Variants in KCNAB1 observed in about 807,000 individuals in gnomAD.
KCNAB1 encodes voltage-gated potassium channel subunit beta-1.
KCNAB1 carries 35 observed loss-of-function variants against 64.6 expected under a neutral mutation model. That is an observed-to-expected ratio of 0.54 (90% CI 0.41 to 0.72). The LOEUF (loss-of-function observed/expected upper bound fraction) is 0.72, where lower values mean the gene tolerates loss of function less well. Among genes scored for constraint, KCNAB1 ranks in the 30% least tolerant of loss-of-function variants. KCNAB1 has a pLI of 0.00. For missense variants in KCNAB1, 401 were observed against 512.9 expected (o/e 0.78, Z 2.11); for synonymous variants, 177 against 183.8 (o/e 0.96, Z 0.30).
intron 2 of KCNAB1, among the ~76,000 whole-genome samples, chr3:156,430,638 G>A (rs1203028187): frequency 6.6e-6 from 1 of 152,140 alleles, no homozygotes; most frequent in African/African-American, 2.4e-5. Context: ...CAAGGCCAGT[G>A]TTAGAGACAG....
intron 1 of KCNAB1, among the ~76,000 whole-genome samples, chr3:156,306,576 G>C (rs1472697382): frequency 6.6e-6 from 1 of 152,202 alleles, no homozygotes; most frequent in Non-Finnish European, 1.5e-5. Context: ...TCGGTGTCCA[G>C]ATGTCTAAGT....
At chr3:156,180,777 C>T (rs2108345115) in intron 1 of KCNAB1, among the ~76,000 whole-genome samples, 1 of 152,226 alleles carries the variant, frequency 6.6e-6, no homozygotes, top group Non-Finnish European at 1.5e-5. Flanking sequence ...ATAAGCTAAG[C>T]AGAGTGTCAT....
At chr3:156,313,599 G>A (rs916133678) in intron 1 of KCNAB1, among the ~76,000 whole-genome samples, 1 of 152,190 alleles carries the variant, frequency 6.6e-6, no homozygotes, top group Non-Finnish European at 1.5e-5. Flanking sequence ...GTGCAACTAT[G>A]GAAGCTGGAG....
intron 1 of KCNAB1, among the ~76,000 whole-genome samples, chr3:156,190,470 A>C (rs565019865): frequency 3.3e-5 from 5 of 152,342 alleles, no homozygotes; most frequent in Admixed American, 2.6e-4. Flanking sequence ...AAATATAGTC[A>C]GTCACTTATA....
chr3:156,230,738 TTAA>T (rs1203258001), intron 1 of KCNAB1, among the ~76,000 whole-genome samples: 2 of 152,230 alleles, frequency 1.3e-5, no homozygotes, highest in East Asian at 3.8e-4. Context: ...GTGGTTTTTC[TTAA>T]TAAGAAGTCA....
At chr3:156,250,752 C>T (rs1211723721) in intron 1 of KCNAB1, among the ~76,000 whole-genome samples, 3 of 152,038 alleles carry the variant, frequency 2.0e-5, no homozygotes, top group Non-Finnish European at 2.9e-5. Context: ...GCCCTGTCAG[C>T]TAGATGAGCT....
intron 1 of KCNAB1, among the ~76,000 whole-genome samples, chr3:156,282,477 T>C (rs1380092174): frequency 6.6e-6 from 1 of 151,430 alleles, no homozygotes; most frequent in Non-Finnish European, 1.5e-5. Context: ...AGATGTCTGT[T>C]AGGTCTGCTT....
Position 156,473,886 on chromosome 3 carries a change from C to G in KCNAB1, c.572-848C>G, listed in dbSNP as rs114391658. The stretch of plus-strand genomic sequence containing the variant: ...AATAGGGTAACATGATTCTCGAACA[C>G]TGTCATCCTTTTGGTTGCATAATAT... On this transcript the variant is annotated intron_variant, in intron 7 of 13. Transcript: ENST00000490337. Among the ~76,000 whole-genome samples the G allele has an allele frequency of 8.9e-3, 1,357 of 152,278 alleles. 13 individuals are homozygous for G. The highest frequency in any genetic ancestry group is 0.014 in the Non-Finnish European group (950 of 68,020).
chr3:156,143,569 G>GTTTTTTTTTTTTTTTTTTTTT (rs56216211), intron 1 of KCNAB1: 2 of 281,610 alleles, frequency 7.1e-6, no homozygotes, highest in African/African-American at 5.9e-5. Flanking sequence ...TTGCATTCTT[G>GTTTTTTTTTTTTTTTTTTTTT]TTTTTTTTTT....
chr3:156,313,450 G>A (rs1203315462), intron 1 of KCNAB1, among the ~76,000 whole-genome samples: 1 of 152,184 alleles, frequency 6.6e-6, no homozygotes, highest in Non-Finnish European at 1.5e-5. Context: ...GTAATCACAG[G>A]TATCTTTACA....
chr3:156,248,313 C>T (rs1314293097), intron 1 of KCNAB1, among the ~76,000 whole-genome samples: 2 of 152,056 alleles, frequency 1.3e-5, no homozygotes, highest in African/African-American at 4.8e-5. Flanking sequence ...TTGCAAGTGC[C>T]TAGGTTCCTA....
rs147478875 is a variant in KCNAB1 at position 156,525,282 on chromosome 3, C to T, written c.1081+1335C>T. Among the ~76,000 whole-genome samples the T allele has an allele frequency of 5.8e-3, 882 of 151,274 alleles. 5 individuals carry two copies. The highest frequency in any genetic ancestry group is 0.01 in the Non-Finnish European group (687 of 67,896). ...TGCCCCTGAAGACTTCCCAGAGGAA[C>T]AAGATGTGGAGGTGGAACATAGTGA... On this transcript the variant is annotated intron_variant, in intron 12 of 13. Coordinates refer to ENST00000490337, the MANE Select transcript of KCNAB1 (RefSeq NM_172160.3).
intron 1 of KCNAB1, among the ~76,000 whole-genome samples, chr3:156,327,811 G>A (rs1313700447): frequency 1.3e-5 from 2 of 152,124 alleles, no homozygotes; most frequent in African/African-American, 2.4e-5. Context: ...CAGGAGGCAA[G>A]CATTCCAGAT....
At chr3:156,535,121 G>A (rs576987843) in intron 13 of KCNAB1, among the ~76,000 whole-genome samples, 4 of 152,200 alleles carry the variant, frequency 2.6e-5, no homozygotes, top group African/African-American at 9.6e-5. Flanking sequence ...TCCAGAGCTA[G>A]TGGGAAACCA....
intron 5 of KCNAB1, chr3:156,460,311 A>G (rs1712805087): frequency 6.2e-6 from 1 of 161,380 alleles, no homozygotes; most frequent in Admixed American, 6.4e-5. Flanking sequence ...AATACCCCAA[A>G]GCTTTCTTAT....
chr3:156,496,616 A>G (rs1278971662), intron 8 of KCNAB1, among the ~76,000 whole-genome samples: 1 of 152,190 alleles, frequency 6.6e-6, no homozygotes, highest in African/African-American at 2.4e-5. Context: ...GAACGTTTGC[A>G]TACATTTTTA....
In KCNAB1 at chr3:156,536,702, C is replaced by T. The variant is rs780942325; in HGVS notation, c.1215C>T (p.Asn405=). ...MTSHVVNEID[N]ILRNKPYSKK... ...CACATGTGGTAAATGAGATTGATAA[C>T]ATACTGCGCAACAAGCCCTACAGCA... Residue 405 remains asparagine (N), a synonymous_variant, in exon 14 of 14, where the codon AAC becomes AAT. Transcript: ENST00000490337. 2 of 1,613,468 alleles carry T rather than the reference C, an allele frequency of 1.2e-6. No homozygotes were observed. Among genetic ancestry groups the T allele is most frequent in the Non-Finnish European group, 1.7e-6 (2 of 1,179,358 alleles).
upstream of KCNAB1, among the ~76,000 whole-genome samples, chr3:156,120,060 A>G (rs1333067977): frequency 6.6e-6 from 1 of 152,232 alleles, no homozygotes; most frequent in African/African-American, 2.4e-5. Flanking sequence ...ACTGACATTC[A>G]AAGAAATATA....
At chr3:156,175,804 C>G (rs139852142) in intron 1 of KCNAB1, 2 of 599,958 alleles carry the variant, frequency 3.3e-6, no homozygotes, top group Non-Finnish European at 6.3e-6. Flanking sequence ...AAATATTTGA[C>G]GTCACTTATG....
Sources: allele counts gnomAD v4.1 joint callset (sites outside exome capture counted in the v4.1 genomes callset), GRCh38; gene constraint gnomAD v4.1.1; transcripts MANE v1.5; gene names NCBI Gene and HGNC (gene_info 2026-07-23, HGNC 2026-07-21).